OTUB2: variants seen among roughly 807,000 people sequenced by gnomAD.
OTUB2 encodes the protein ubiquitin thioesterase OTUB2.
OTUB2 carries 21 observed loss-of-function variants against 25.1 expected under a neutral mutation model. The ratio of observed to expected loss-of-function variants is 0.84; its 90% confidence interval spans 0.59 to 1.21. The LOEUF is 1.21. Ranked by LOEUF, OTUB2 falls within the 50% of genes most tolerant of loss-of-function variation. The probability of loss-of-function intolerance (pLI) is 0.00; values close to 1 mark genes in which losing one functional copy is unlikely to be tolerated. For missense variants in OTUB2, 283 were observed against 298.0 expected (o/e 0.95, Z 0.37); for synonymous variants, 122 against 122.8 (o/e 0.99, Z 0.04).
chr14:94,040,689 T>C (rs780988511), intron 3 of OTUB2, among the ~76,000 whole-genome samples: 23 of 152,222 alleles, frequency 1.5e-4, no homozygotes, highest in Non-Finnish European at 2.8e-4. Context: ...CAGACCCTTC[T>C]CTAGGCTGTG....
Position 94,044,053 on chromosome 14 carries a change from G to T in OTUB2, c.301G>T (p.Ala101Ser). ...GCACAAGTTCAGAAACTTCTTCAAT[G>T]CTGTGAGTTCACCTGGTCCCTCCTT... ...EEHKFRNFFNAFYSVVELVEK... is the reference protein window; with the variant it reads ...EEHKFRNFFNSFYSVVELVEK... Residue 101 changes from alanine (A) to serine (S), a missense_variant and splice_region_variant, in exon 4 of 6, where the codon GCT (alanine) becomes TCT (serine). Transcript: ENST00000203664. The T allele has an allele frequency of 6.2e-7, 1 of 1,613,950 alleles. No homozygotes were observed. The highest frequency in any genetic ancestry group is 8.5e-7 in the Non-Finnish European group (1 of 1,179,798).
chr14:94,026,572 G>T, intron 1 of OTUB2, 32 bp downstream of exon 1: 1 of 1,236,936 alleles, frequency 8.1e-7, no homozygotes, highest in Non-Finnish European at 1.0e-6. Flanking sequence ...CGAAGGGGGA[G>T]CGGGCAGGGG....
chr14:94,043,563 C>T (rs1402363666), intron 3 of OTUB2, among the ~76,000 whole-genome samples: 3 of 152,358 alleles, frequency 2.0e-5, no homozygotes, highest in Admixed American at 6.5e-5. Context: ...TAACTTGGTG[C>T]TGGCAGATGC....
chr14:94,026,586 C>CGGGGGGGGG, intron 1 of OTUB2, 46 bp downstream of exon 1: 1 of 383,154 alleles, frequency 2.6e-6, no homozygotes, highest in Non-Finnish European at 3.8e-6. Flanking sequence ...GCAGGGGGCG[C>CGGGGGGGGG]GGTGGGCGGG....
chr14:94,034,151 G>T (rs1414888976), intron 1 of OTUB2, among the ~76,000 whole-genome samples: 1 of 152,208 alleles, frequency 6.6e-6, no homozygotes, highest in Non-Finnish European at 1.5e-5. Flanking sequence ...GAAGGAAGTG[G>T]AACGGCAAAT....
At position 94,045,771 on chromosome 14, in the gene OTUB2, A is replaced by G. The variant is rs1160716967; in HGVS notation, c.554A>G (p.Gln185Arg). Residue 185 changes from glutamine to arginine, a missense_variant, in exon 6 of 6, where the codon CAG becomes CGG. Coordinates refer to ENST00000203664, the MANE Select transcript of OTUB2 (RefSeq NM_023112.4). ...CACATCCAGATCACGGCGTTGTCGCAGGCCCTGAGCATTGCCCTGCAAGTG... is the reference window on the plus strand; with the variant it reads ...CACATCCAGATCACGGCGTTGTCGCGGGCCCTGAGCATTGCCCTGCAAGTG... ...CDHIQITALS[Q>R]ALSIALQVEY... 1.2e-6 allele frequency: 2 copies of G among 1,614,112 alleles called. No individual in the cohort carries two copies. Among genetic ancestry groups the G allele is most frequent in the African/African-American group, 2.7e-5 (2 of 74,942 alleles).
At position 94,039,095 on chromosome 14, in the gene OTUB2, C is replaced by T. The variant is rs138016715; in HGVS notation, c.218+14C>T. The T allele has an allele frequency of 9.0e-3, 14,360 of 1,601,062 alleles. 74 individuals carry two copies. The highest frequency in any genetic ancestry group is 0.011 in the Non-Finnish European group (13,044 of 1,168,776). On this transcript the variant is annotated intron_variant, in intron 3 of 5. Transcript: ENST00000203664. The stretch of plus-strand genomic sequence containing the variant: ...GGAGATCTTCAAGTGAGTGCCGGGG[C>T]CCCTTGGCCTGTCAGGGCTGTGTTC...
rs1200264941 is a variant in OTUB2, at chr14:94,026,531, G to A, written c.-7G>A. On this transcript the variant is annotated 5_prime_UTR_variant, in exon 1 of 6. Coordinates refer to ENST00000203664, the MANE Select transcript of OTUB2 (RefSeq NM_023112.4). ...GGGCGGGACCTGGCCTGGCGGCTCT[G>A]GTCACTATGGTCAGTGATCGTGGGG... 1.2e-5 allele frequency: 15 copies of A among 1,263,024 alleles called. No individual in the cohort carries two copies. The highest frequency in any genetic ancestry group is 1.4e-5 in the Non-Finnish European group (14 of 999,164). The allele number at this position is 1,263,024 out of a possible 1,614,324, so 78.2% of individuals were successfully genotyped here.
Position 94,044,662 on chromosome 14 carries a change from C to T in OTUB2, c.380C>T (p.Ala127Val). The change falls in exon 5 of 6, where the codon GCC becomes GTC. Residue 127 changes from alanine to valine, a missense_variant. Transcript: ENST00000203664. ...SLLKVFNDQS[A>V]SDHIVQFLRL... The stretch of plus-strand genomic sequence containing the variant: ...CTGAAGGTGTTCAACGACCAGAGTG[C>T]CTCGGACCACATCGTGCAGTTCCTG... 6.2e-7 allele frequency: 1 copy of T among 1,614,192 alleles called. No individual in the cohort carries two copies. Among genetic ancestry groups the T allele is most frequent in the East Asian group, 2.2e-5 (1 of 44,894 alleles).
rs575415297 is a variant in OTUB2, at chr14:94,029,608, C to T, written c.3+3068C>T. Among the ~76,000 whole-genome samples, 33 of 152,366 alleles carry T rather than the reference C, an allele frequency of 2.2e-4. 1 individual carries two copies. Among genetic ancestry groups the T allele is most frequent in the African/African-American group, 7.5e-4 (31 of 41,576 alleles). On this transcript the variant is annotated intron_variant, in intron 1 of 5. Transcript: ENST00000203664. Reference sequence around the variant, plus strand: ...AGTATGACCTCATCTCAGCTAATTACATCTGCAATGACCCTATTTCCAAAT... The same window carrying T: ...AGTATGACCTCATCTCAGCTAATTATATCTGCAATGACCCTATTTCCAAAT...
rs186942220 is a variant in OTUB2 at position 94,038,121 on chromosome 14, C to T, written c.99+646C>T. Among the ~76,000 whole-genome samples, 85 of 152,404 alleles carry T rather than the reference C, an allele frequency of 5.6e-4. 2 individuals carry two copies. Among genetic ancestry groups the T allele is most frequent in the African/African-American group, 2.0e-3 (84 of 41,598 alleles). ...CCCTTCCCTTCAAGTTCCTCTCAGA[C>T]ACGCAGCACCGTTGCTGGGCCTCAT... On this transcript the variant is annotated intron_variant, in intron 2 of 5. Transcript: ENST00000203664.
At chr14:94,026,583 GCGCGGTGGGC>G in intron 1 of OTUB2, 43 bp downstream of exon 1, 2 of 1,229,024 alleles carry the variant, frequency 1.6e-6, no homozygotes, top group East Asian at 3.2e-5. Flanking sequence ...CGGGCAGGGG[GCGCGGTGGGC>G]GGGGTCGCTG....
intron 5 of OTUB2, 70 bp downstream of exon 5, chr14:94,044,850 C>T (rs1487669095): frequency 2.1e-6 from 3 of 1,461,246 alleles, no homozygotes; most frequent in Non-Finnish European, 1.8e-6. Flanking sequence ...GACTTCAGCA[C>T]CCATCCGTAG....
At position 94,045,856 on chromosome 14, in the gene OTUB2, C is replaced by A. The variant is rs778532926; in HGVS notation, c.639C>A (p.Thr213=). Residue 213 remains threonine (T), a synonymous_variant, in exon 6 of 6, where the codon ACC becomes ACA. Transcript: ENST00000203664. Reference sequence around the variant, plus strand: ...ACCACGTGTTCCCTGAGGCCGCCACCCCTTCCGTTTACCTGCTCTATAAAA... The same window carrying A: ...ACCACGTGTTCCCTGAGGCCGCCACACCTTCCGTTTACCTGCTCTATAAAA... ...LNHHVFPEAA[T]PSVYLLYKTS... 2 of 1,614,104 alleles carry A rather than the reference C, an allele frequency of 1.2e-6. No homozygotes were observed. The highest frequency in any genetic ancestry group is 1.7e-6 in the Non-Finnish European group (2 of 1,180,048).
chr14:94,044,757 G>T lies in OTUB2; in HGVS notation c.475G>T (p.Asp159Tyr). The T allele has an allele frequency of 6.2e-7, 1 of 1,613,230 alleles. No individual in the cohort carries two copies. ...CCGGCACTTCATTGATGAGGAGATG[G>T]ACATCAAAGACTTCTGCACTCACGT... ...FFRHFIDEEMDIKDFCTHEVE... is the reference protein window; with the variant it reads ...FFRHFIDEEMYIKDFCTHEVE... Residue 159 changes from aspartate to tyrosine, a missense_variant, in exon 5 of 6, where the codon GAC becomes TAC. Asp to Tyr is a radical substitution (Grantham distance 160). Coordinates refer to ENST00000203664, the MANE Select transcript of OTUB2 (RefSeq NM_023112.4).
Position 94,047,460 on chromosome 14 carries a change from T to C in OTUB2, c.*1538T>C, listed in dbSNP as rs1461019980. 1 of 152,232 alleles carries C rather than the reference T, an allele frequency of 6.6e-6. No homozygotes were observed. Among genetic ancestry groups the C allele is most frequent in the African/African-American group, 2.4e-5 (1 of 41,458 alleles). 9.4% of individuals were successfully genotyped at this position (152,232 alleles called of 1,614,324 possible). A position where few individuals can be genotyped will look rare whatever the true frequency, so the allele number is the denominator to read the frequency against. ...TCAGCTGGAGTTTGGATCCAAAGGC[T>C]CTGGCTAAGTCATTATGTCACTTTT... is the stretch of plus-strand genomic sequence containing the variant. On this transcript the variant is annotated 3_prime_UTR_variant, in exon 6 of 6. Coordinates refer to ENST00000203664, the MANE Select transcript of OTUB2 (RefSeq NM_023112.4).
Position 94,035,567 on chromosome 14 carries a change from G to A in OTUB2, c.4-1813G>A, listed in dbSNP as rs138127595. Among the ~76,000 whole-genome samples, 367 of 152,172 alleles carry A rather than the reference G, an allele frequency of 2.4e-3. 1 individual carries two copies. Among genetic ancestry groups the A allele is most frequent in the African/African-American group, 7.9e-3 (330 of 41,542 alleles). The stretch of plus-strand genomic sequence containing the variant: ...GCCTCCCAAAGTGCTGGTATTACAA[G>A]CATGAGCCACCGTGCCTGGCCCATC... On this transcript the variant is annotated intron_variant, in intron 1 of 5. Coordinates refer to ENST00000203664, the MANE Select transcript of OTUB2 (RefSeq NM_023112.4).
chr14:94,044,446 C>T (rs896568589), intron 4 of OTUB2, 140 bp from the exon 5 acceptor site: 1 of 917,230 alleles, frequency 1.1e-6, no homozygotes, highest in Admixed American at 2.8e-5. Context: ...GAATCTCAGA[C>T]TGATTTTCTA....
intron 2 of OTUB2, among the ~76,000 whole-genome samples, chr14:94,038,581 C>T (rs1462132159): frequency 2.0e-5 from 3 of 151,252 alleles, no homozygotes; most frequent in Non-Finnish European, 3.0e-5. Flanking sequence ...CATGCAACCC[C>T]CTACCCCCTA....
Sources: gnomAD v4.1 joint callset for allele counts (sites outside exome capture counted in the v4.1 genomes callset) on GRCh38, gnomAD v4.1.1 for gene constraint, MANE v1.5 for transcripts, NCBI Gene and HGNC (gene_info 2026-07-23, HGNC 2026-07-21) for gene names.